The following CHD8 variants were observed in gnomAD, a reference collection of about 807,000 sequenced individuals.
CHD8 encodes chromodomain helicase DNA binding protein 8, also known as ATP-dependent chromatin remodeler CHD8.
Under a neutral mutation model 279.2 loss-of-function variants are expected in CHD8, and 31 were observed. That is an observed-to-expected ratio of 0.11 (90% CI 0.08 to 0.15). The LOEUF (loss-of-function observed/expected upper bound fraction) is 0.15, where lower values mean the gene tolerates loss of function less well. CHD8 is among the 10% of genes least tolerant of loss of function. The pLI is 1.00. For missense variants in CHD8, 2,146 were observed against 3,230.5 expected (o/e 0.66, Z 8.14); for synonymous variants, 1,081 against 1,139.6 (o/e 0.95, Z 1.04).
intron 1 of CHD8, among the ~76,000 whole-genome samples, chr14:21,443,870 A>C (rs934687838): frequency 8.1e-5 from 12 of 148,184 alleles, no homozygotes; most frequent in African/African-American, 2.4e-4. Flanking sequence ...AAAAAAAAAA[A>C]AAAAAAAAAC....
intron 1 of CHD8, among the ~76,000 whole-genome samples, chr14:21,447,102 A>G (rs1214699837): frequency 6.6e-6 from 1 of 152,216 alleles, no homozygotes; most frequent in Non-Finnish European, 1.5e-5. Flanking sequence ...GCATGACAAC[A>G]AAAGGACAGT....
intron 1 of CHD8, among the ~76,000 whole-genome samples, chr14:21,434,043 T>TC (rs1255078062): frequency 3.9e-5 from 5 of 128,432 alleles, no homozygotes; most frequent in Non-Finnish European, 6.6e-5. Context: ...AAGTTTCTTT[T>TC]TTTTTTTTTT....
chr14:21,421,581 T>C lies in CHD8; in HGVS notation c.1716+4547A>G, dbSNP rs557709495. 2.6e-5 allele frequency among the ~76,000 whole-genome samples: 4 copies of C among 152,242 alleles called. 1 individual carries two copies. Among genetic ancestry groups the C allele is most frequent in the African/African-American group, 9.6e-5 (4 of 41,532 alleles). On this transcript the variant is annotated intron_variant, in intron 5 of 37. Coordinates refer to ENST00000646647, the MANE Select transcript of CHD8 (RefSeq NM_001170629.2). ...ATCATTGAGTGAAATGAAATTAACA[T>C]TCTAAATTTTTCTATATATTGAAAC...
chr14:21,420,883 C>T (rs1048457379), intron 5 of CHD8, among the ~76,000 whole-genome samples: 10 of 152,084 alleles, frequency 6.6e-5, no homozygotes, highest in Non-Finnish European at 1.5e-4. Context: ...CTGCCTCAGC[C>T]TCCAGAGTAG....
At chr14:21,430,306 T>G (rs1443576146) in intron 2 of CHD8, 2 of 157,410 alleles carry the variant, frequency 1.3e-5, no homozygotes, top group African/African-American at 4.8e-5. Context: ...AGCCTCTACC[T>G]TCTTACGCTA....
At chr14:21,397,550 CT>C in intron 27 of CHD8, 1 of 397,398 alleles carries the variant, frequency 2.5e-6, no homozygotes, top group Admixed American at 3.5e-5. Flanking sequence ...ATCCTCTCAG[CT>C]ACTGTAGCTG....
In CHD8 at chr14:21,431,235, C is replaced by T. The variant is rs1445739326; in HGVS notation, c.409G>A (p.Gly137Ser). 3 of 1,598,426 alleles carry T rather than the reference C, an allele frequency of 1.9e-6. No homozygotes were observed. The highest frequency in any genetic ancestry group is 2.5e-6 in the Non-Finnish European group (3 of 1,179,426). Residue 137 changes from glycine to serine, a missense_variant, in exon 2 of 38, where the codon GGT (glycine) becomes AGT (serine). Coordinates refer to ENST00000646647, the MANE Select transcript of CHD8 (RefSeq NM_001170629.2). Reference sequence around the variant, plus strand: ...GAGGAGACAGCTGTGGCAGAGACACCCATGAAAGGATTCCCTTGGCTCAGG... The same window carrying T: ...GAGGAGACAGCTGTGGCAGAGACACTCATGAAAGGATTCCCTTGGCTCAGG... ...EILSQGNPFM[G>S]VSATAVSSSS...
chr14:21,408,612 T>TA lies in CHD8; in HGVS notation c.2487-58dup, dbSNP rs1888351263. The stretch of plus-strand genomic sequence containing the variant: ...TAAAAGATACTATCTTTAAAAAAAA[T>TA]AGAGTATGTAGGAAGAAATTGTTTC... On this transcript the variant is annotated intron_variant, in intron 12 of 37. Coordinates refer to ENST00000646647, the MANE Select transcript of CHD8 (RefSeq NM_001170629.2). The surrounding 1 kb of genome is among the most constrained non-coding windows in gnomAD (Gnocchi z 4.3). 6.4e-7 allele frequency: 1 copy of TA among 1,556,798 alleles called. No individual in the cohort carries two copies. The highest frequency in any genetic ancestry group is 1.2e-5 in the South Asian group (1 of 84,502).
At chr14:21,453,735 C>T (rs1283624934) in intron 1 of CHD8, among the ~76,000 whole-genome samples, 1 of 151,912 alleles carries the variant, frequency 6.6e-6, no homozygotes, top group Non-Finnish European at 1.5e-5. Context: ...TCTTCCAGAG[C>T]TGTAGACAAA....
In CHD8 at chr14:21,435,887, T is replaced by C. The variant is rs116292547; in HGVS notation, c.-215-4029A>G. Among the ~76,000 whole-genome samples the C allele has an allele frequency of 5.2e-3, 788 of 152,326 alleles. 8 individuals carry two copies. The highest frequency in any genetic ancestry group is 0.018 in the African/African-American group (753 of 41,566). The stretch of plus-strand genomic sequence containing the variant: ...GGCTTGGCAGAGTTACCAGTATCTT[T>C]GGGATGGGATAAGATTTCCTATAGC... On this transcript the variant is annotated intron_variant, in intron 1 of 37. Coordinates refer to ENST00000646647, the MANE Select transcript of CHD8 (RefSeq NM_001170629.2).
intron 27 of CHD8, chr14:21,397,292 G>A (rs758783281): frequency 1.9e-6 from 1 of 515,922 alleles, no homozygotes. Flanking sequence ...TGTTTCACAT[G>A]CCCCTCAGAT....
intron 5 of CHD8, among the ~76,000 whole-genome samples, chr14:21,421,853 C>A (rs1889058863): frequency 6.6e-6 from 1 of 152,138 alleles, no homozygotes; most frequent in African/African-American, 2.4e-5. Context: ...AGCCCTAATC[C>A]AATCTGACTA....
rs1481605035 is a variant in CHD8 at position 21,417,852 on chromosome 14, A to T, written c.1717-1945T>A. On this transcript the variant is annotated intron_variant, in intron 5 of 37. Coordinates refer to ENST00000646647, the MANE Select transcript of CHD8 (RefSeq NM_001170629.2). ...CTGGGAGACACAGTGAGACTCTCTC[A>T]AAAAAAAAAAAAAATATATATATAT... Among the ~76,000 whole-genome samples the T allele has an allele frequency of 5.6e-4, 6 of 10,766 alleles. No individual in the cohort carries two copies. In the East Asian group the frequency reaches 0.012, roughly 21 times the overall value. The allele number at this position is 10,766 out of a possible 152,430, so 7.1% of individuals were successfully genotyped here. A position where few individuals can be genotyped will look rare whatever the true frequency, so the allele number is the denominator to read the frequency against.
chr14:21,443,722 G>C (rs777936940), intron 1 of CHD8, among the ~76,000 whole-genome samples: 6 of 151,786 alleles, frequency 4.0e-5, no homozygotes, highest in Non-Finnish European at 7.4e-5. Context: ...TAGGTGTGGT[G>C]GTGGGCGCCT....
At chr14:21,418,642 C>T (rs1431940337) in intron 5 of CHD8, among the ~76,000 whole-genome samples, 1 of 152,030 alleles carries the variant, frequency 6.6e-6, no homozygotes, top group Non-Finnish European at 1.5e-5. Flanking sequence ...GGTGAAACCC[C>T]GTCTCCACTA....
chr14:21,402,184 C>A lies in CHD8; in HGVS notation c.3883-48G>T. 1 of 1,483,890 alleles carries A rather than the reference C, an allele frequency of 6.7e-7. No homozygotes were observed. 91.9% of individuals were successfully genotyped at this position (1,483,890 alleles called of 1,614,324 possible). ...GAAAAGACTATCAAGAGAATAATAT[C>A]TAACCATGCCATAATATTTTAGCTA... On this transcript the variant is annotated intron_variant, in intron 19 of 37. Transcript: ENST00000646647. This position sits in a 1 kb window ranked among gnomAD's most constrained non-coding sequence, Gnocchi z 4.5.
At chr14:21,432,524 C>T (rs1274009844) in intron 1 of CHD8, among the ~76,000 whole-genome samples, 1 of 152,104 alleles carries the variant, frequency 6.6e-6, no homozygotes, top group East Asian at 1.9e-4. Context: ...ACATTGTTTC[C>T]AATTTATATT....
intron 1 of CHD8, among the ~76,000 whole-genome samples, chr14:21,433,248 C>T (rs984121848): frequency 6.6e-6 from 1 of 152,150 alleles, no homozygotes; most frequent in Non-Finnish European, 1.5e-5. Flanking sequence ...AAAAAGCTTC[C>T]TATCTTGAAA....
rs533031155 is a variant in CHD8 at position 21,428,009 on chromosome 14, G to A, written c.1461C>T (p.Asp487=). The A allele has an allele frequency of 3.7e-6, 6 of 1,614,024 alleles. No individual in the cohort carries two copies. The highest frequency in any genetic ancestry group is 1.7e-5 in the Admixed American group (1 of 60,024). ...EQNIPRVLNE[D]ELPSVRPEEE... ...CCTCTGGCCGAACGCTGGGCAACTC[G>A]TCCTCATTTAAGACTCGAGGTATGT... is the stretch of plus-strand genomic sequence containing the variant. Residue 487 remains aspartate (D), a synonymous_variant, in exon 4 of 38, where the codon GAC becomes GAT. Transcript: ENST00000646647.
Sources: allele counts gnomAD v4.1 joint callset (sites outside exome capture counted in the v4.1 genomes callset), GRCh38; gene constraint gnomAD v4.1.1; non-coding constraint Gnocchi (gnomAD v3.1); transcripts MANE v1.5; gene names NCBI Gene and HGNC (gene_info 2026-07-23, HGNC 2026-07-21).